PLCB1: variants seen among roughly 807,000 people sequenced by gnomAD.
PLCB1 encodes 1-phosphatidylinositol 4,5-bisphosphate phosphodiesterase beta-1.
Under a neutral mutation model 161.8 loss-of-function variants are expected in PLCB1, and 46 were observed. That is an observed-to-expected ratio of 0.28 (90% CI 0.22 to 0.36). PLCB1 has a LOEUF of 0.36. Among genes scored for constraint, PLCB1 ranks in the 10% least tolerant of loss-of-function variants. The pLI is 1.00. For missense variants in PLCB1, 1,016 were observed against 1,472.5 expected, an observed-to-expected ratio of 0.69 and a Z score of 5.07; for synonymous variants, 517 against 503.7, an observed-to-expected ratio of 1.03 and a Z score of -0.35.
chr20:8,593,654 A>G (rs6133592), intron 3 of PLCB1, among the ~76,000 whole-genome samples: 25,728 of 151,636 alleles, frequency 0.17, 2,144 homozygotes, highest in Middle Eastern at 0.22. Flanking sequence ...TAGATTTTTT[A>G]TTTTTATTTT....
intron 31 of PLCB1, among the ~76,000 whole-genome samples, chr20:8,798,216 A>T (rs1047574192): frequency 6.6e-6 from 1 of 151,832 alleles, no homozygotes; most frequent in Non-Finnish European, 1.5e-5. Flanking sequence ...AAAAAGCTTT[A>T]GTATCAAACC....
At chr20:8,697,893 G>A in intron 11 of PLCB1, 110 bp downstream of exon 11, 1 of 931,898 alleles carries the variant, frequency 1.1e-6, no homozygotes. Flanking sequence ...TCCAAAGGCT[G>A]TTAATCATCT....
chr20:8,718,704 A>G (rs1367913965), intron 14 of PLCB1, among the ~76,000 whole-genome samples: 1 of 152,196 alleles, frequency 6.6e-6, no homozygotes, highest in Non-Finnish European at 1.5e-5. Context: ...TGTCCCTTTT[A>G]TCATGCAAGC....
At chr20:8,765,531 T>G (rs1265879784) in intron 26 of PLCB1, among the ~76,000 whole-genome samples, 173 bp downstream of exon 26, 1 of 152,220 alleles carries the variant, frequency 6.6e-6, no homozygotes, top group Non-Finnish European at 1.5e-5. Context: ...GAATTGAATT[T>G]TTTTATTTAA....
At chr20:8,510,934 A>G (rs1983859638) in intron 3 of PLCB1, among the ~76,000 whole-genome samples, 1 of 152,200 alleles carries the variant, frequency 6.6e-6, no homozygotes, top group Non-Finnish European at 1.5e-5. Flanking sequence ...ATATTGTTGA[A>G]TGATTAGATC....
chr20:8,436,271 GT>G (rs1980298931), intron 3 of PLCB1, among the ~76,000 whole-genome samples: 1 of 150,600 alleles, frequency 6.6e-6, no homozygotes, highest in South Asian at 2.1e-4. Context: ...GAAGGCAGAG[GT>G]TGCACTGAGA....
chr20:8,345,870 T>C (rs1390699073), intron 2 of PLCB1, among the ~76,000 whole-genome samples: 1 of 152,214 alleles, frequency 6.6e-6, no homozygotes, highest in African/African-American at 2.4e-5. Flanking sequence ...CTCTTTCCTC[T>C]TGACCCAATT....
chr20:8,775,880 CT>C (rs960062026), intron 27 of PLCB1, among the ~76,000 whole-genome samples: 1 of 152,126 alleles, frequency 6.6e-6, no homozygotes, highest in African/African-American at 2.4e-5. Context: ...TCAGGATTTA[CT>C]TTTTAACAAG....
intron 3 of PLCB1, among the ~76,000 whole-genome samples, chr20:8,406,347 C>A (rs1978786507): frequency 6.6e-6 from 1 of 152,028 alleles, no homozygotes; most frequent in African/African-American, 2.4e-5. Flanking sequence ...ACAAGAATAA[C>A]CTTAAGGAAA....
At chr20:8,166,601 C>T (rs1264495772) in intron 2 of PLCB1, among the ~76,000 whole-genome samples, 2 of 152,130 alleles carry the variant, frequency 1.3e-5, no homozygotes, top group African/African-American at 4.8e-5. Context: ...GGAAAGCAAA[C>T]ATTTCCAAGA....
intron 2 of PLCB1, among the ~76,000 whole-genome samples, chr20:8,267,211 T>C (rs1200605631): frequency 6.1e-5 from 1 of 16,476 alleles, no homozygotes; most frequent in African/African-American, 3.5e-4. Flanking sequence ...TAAGGGTTGA[T>C]GTTGGCTTTG....
At chr20:8,841,437 A>G (rs1247724532) in intron 31 of PLCB1, among the ~76,000 whole-genome samples, 1 of 152,246 alleles carries the variant, frequency 6.6e-6, no homozygotes, top group Non-Finnish European at 1.5e-5. Context: ...TGTGGGAATC[A>G]TCAGGCTAAT....
intron 25 of PLCB1, among the ~76,000 whole-genome samples, chr20:8,761,846 G>A (rs1982048290): frequency 7.0e-6 from 1 of 142,220 alleles, no homozygotes; most frequent in African/African-American, 2.5e-5. Flanking sequence ...CACCCGCCTC[G>A]GCCTCCCAAA....
chr20:8,244,078 C>A (rs936352134), intron 2 of PLCB1, among the ~76,000 whole-genome samples: 3 of 151,892 alleles, frequency 2.0e-5, no homozygotes, highest in Non-Finnish European at 4.4e-5. Flanking sequence ...TACATGTCCA[C>A]TGGAATGGCA....
intron 2 of PLCB1, among the ~76,000 whole-genome samples, chr20:8,280,251 G>A (rs1982806288): frequency 6.6e-6 from 1 of 151,636 alleles, no homozygotes; most frequent in Admixed American, 6.6e-5. Flanking sequence ...CAGGAGGATT[G>A]CTTGAACCTG....
At chr20:8,345,833 G>GAAAAC (rs1424932786) in intron 2 of PLCB1, among the ~76,000 whole-genome samples, 1 of 152,138 alleles carries the variant, frequency 6.6e-6, no homozygotes, top group Non-Finnish European at 1.5e-5. Flanking sequence ...TCTGCAAAAT[G>GAAAAC]AAAACTACAT....
At chr20:8,494,550 A>G (rs1983080216) in intron 3 of PLCB1, among the ~76,000 whole-genome samples, 1 of 152,214 alleles carries the variant, frequency 6.6e-6, no homozygotes, top group East Asian at 1.9e-4. Flanking sequence ...TAACTGCCAC[A>G]GTGAATGAAA....
At chr20:8,655,885 G>T (rs763966055) in intron 7 of PLCB1, among the ~76,000 whole-genome samples, 2 of 152,018 alleles carry the variant, frequency 1.3e-5, no homozygotes, top group African/African-American at 2.4e-5. Flanking sequence ...AGCTCCTGGT[G>T]TCCACTTAGA....
At chr20:8,638,522 A>G (rs902740354) in intron 4 of PLCB1, among the ~76,000 whole-genome samples, 2 of 152,176 alleles carry the variant, frequency 1.3e-5, no homozygotes, top group East Asian at 3.8e-4. Flanking sequence ...ACACACATGA[A>G]AAAAGCATTA....
Sources: gnomAD v4.1 joint callset for allele counts (sites outside exome capture counted in the v4.1 genomes callset) on GRCh38, gnomAD v4.1.1 for gene constraint, MANE v1.5 for transcripts, NCBI Gene and HGNC (gene_info 2026-07-23, HGNC 2026-07-21) for gene names.